The following GLIS3 variants were observed in gnomAD, a reference collection of about 807,000 sequenced individuals.
GLIS3 encodes the protein GLIS family zinc finger 3.
Under a neutral mutation model 78.6 loss-of-function variants are expected in GLIS3, and 53 were observed. That is an observed-to-expected ratio of 0.67 (90% confidence interval 0.54 to 0.85). The LOEUF is 0.85. Among genes scored for constraint, GLIS3 ranks in the 40% least tolerant of loss-of-function variants. The probability of loss-of-function intolerance (pLI) is 0.00; values close to 1 mark genes in which losing one functional copy is unlikely to be tolerated. For synonymous variants in GLIS3, 684 were observed against 509.9 expected (o/e 1.34, Z -4.60); for missense variants, 1,703 against 1,231.1 (o/e 1.38, Z -5.74).
At chr9:3,912,337 T>C (rs573060442) in intron 6 of GLIS3, among the ~76,000 whole-genome samples, 14 of 152,262 alleles carry the variant, frequency 9.2e-5, no homozygotes, top group African/African-American at 3.4e-4. Flanking sequence ...TTTTCCAGGA[T>C]GCATAGCGCC....
chr9:4,393,552 G>C, the GLIS3 span, among the ~76,000 whole-genome samples: 1 of 152,172 alleles, frequency 6.6e-6, no homozygotes, highest in Admixed American at 6.5e-5. Context: ...TAGTTGTCAT[G>C]TTTTGTTAGT....
At chr9:4,457,507 GT>G in the GLIS3 span, among the ~76,000 whole-genome samples, 2 of 151,984 alleles carry the variant, frequency 1.3e-5, no homozygotes, top group African/African-American at 4.8e-5. Context: ...TTTTGGGTGG[GT>G]TTGGACACAT....
At chr9:3,949,869 C>T (rs1265527884) in intron 4 of GLIS3, among the ~76,000 whole-genome samples, 4 of 152,186 alleles carry the variant, frequency 2.6e-5, no homozygotes, top group Non-Finnish European at 4.4e-5. Context: ...ATCCAATCTG[C>T]GTCATATCAG....
chr9:4,073,551 A>C (rs1051264559), intron 4 of GLIS3, among the ~76,000 whole-genome samples: 1 of 152,202 alleles, frequency 6.6e-6, no homozygotes, highest in African/African-American at 2.4e-5. Flanking sequence ...GCTAGCTAAG[A>C]AATACAACGC....
At chr9:3,872,757 C>T (rs7021479) in intron 8 of GLIS3, among the ~76,000 whole-genome samples, 127,423 of 152,170 alleles carry the variant, frequency 0.84, 53,485 homozygotes, top group East Asian at 0.97. Flanking sequence ...AGTCCCCACA[C>T]CTGTGGAATA....
chr9:4,138,917 A>G (rs1280957479), intron 2 of GLIS3, among the ~76,000 whole-genome samples: 1 of 152,224 alleles, frequency 6.6e-6, no homozygotes, highest in Non-Finnish European at 1.5e-5. Context: ...TAGACTTGCA[A>G]GCATGGGTAT....
the GLIS3 span, among the ~76,000 whole-genome samples, chr9:4,479,830 C>A: frequency 6.6e-6 from 1 of 151,766 alleles, no homozygotes; most frequent in Admixed American, 6.6e-5. Flanking sequence ...AGAGAGAAAA[C>A]AGGACCACCA....
At chr9:3,872,304 G>A (rs927289835) in intron 8 of GLIS3, among the ~76,000 whole-genome samples, 4 of 152,114 alleles carry the variant, frequency 2.6e-5, no homozygotes, top group African/African-American at 9.7e-5. Context: ...ACCCCTGTCT[G>A]TTACCCAGTC....
chr9:3,928,391 C>G (rs1825391023), intron 6 of GLIS3, among the ~76,000 whole-genome samples: 1 of 152,240 alleles, frequency 6.6e-6, no homozygotes, highest in African/African-American at 2.4e-5. Flanking sequence ...TAGACCATGA[C>G]TGAAAGCAAC....
the GLIS3 span, among the ~76,000 whole-genome samples, chr9:4,394,344 A>G: frequency 1.3e-5 from 2 of 151,822 alleles, no homozygotes; most frequent in African/African-American, 4.8e-5. Context: ...TTAAAAAATT[A>G]TTATTTAATC....
chr9:4,440,533 T>C, the GLIS3 span, among the ~76,000 whole-genome samples: 2 of 152,208 alleles, frequency 1.3e-5, no homozygotes, highest in East Asian at 1.9e-4. Context: ...TCTGTTCCAT[T>C]AGTTTGTCTG....
chr9:3,945,603 A>G (rs932702814), intron 4 of GLIS3, among the ~76,000 whole-genome samples: 6 of 152,230 alleles, frequency 3.9e-5, no homozygotes, highest in Admixed American at 3.3e-4. Flanking sequence ...TTTTCTATAT[A>G]TAAAAATGAG....
intron 4 of GLIS3, among the ~76,000 whole-genome samples, chr9:3,991,574 T>A (rs1323717986): frequency 6.6e-6 from 1 of 152,154 alleles, no homozygotes; most frequent in African/African-American, 2.4e-5. Flanking sequence ...TCGATGGAAC[T>A]ATTGATACTT....
At chr9:4,476,542 A>G in the GLIS3 span, among the ~76,000 whole-genome samples, 2 of 151,794 alleles carry the variant, frequency 1.3e-5, no homozygotes, top group South Asian at 4.2e-4. Flanking sequence ...TTGCATTTTT[A>G]GTAAGGATGG....
chr9:4,448,625 G>C, the GLIS3 span, among the ~76,000 whole-genome samples: 7 of 152,230 alleles, frequency 4.6e-5, no homozygotes, highest in Non-Finnish European at 8.8e-5. Flanking sequence ...TGAAGCAGGT[G>C]TGACCACATA....
chr9:4,229,401 G>C (rs1222587884), intron 2 of GLIS3, among the ~76,000 whole-genome samples: 1 of 152,190 alleles, frequency 6.6e-6, no homozygotes, highest in Non-Finnish European at 1.5e-5. Context: ...TCTAACTTTG[G>C]TTGGTTAGCA....
At chr9:4,321,378 C>T (rs1243220442) in intron 2 of GLIS3, among the ~76,000 whole-genome samples, 4 of 110,490 alleles carry the variant, frequency 3.6e-5, no homozygotes, top group Admixed American at 1.1e-4. Flanking sequence ...GCCGAGATGG[C>T]GCCACTGCAC....
intron 4 of GLIS3, among the ~76,000 whole-genome samples, chr9:3,969,939 A>C (rs1818259843): frequency 6.6e-6 from 1 of 152,222 alleles, no homozygotes. Context: ...TTCAGGGGCA[A>C]ATCTTGCAAC....
chr9:4,351,334 G>C (rs888234210), upstream of GLIS3, among the ~76,000 whole-genome samples: 1 of 149,696 alleles, frequency 6.7e-6, no homozygotes, highest in Non-Finnish European at 1.5e-5. Flanking sequence ...GAACCTGGGA[G>C]GTTGAAGCTT....
Sources: allele counts gnomAD v4.1 joint callset (sites outside exome capture counted in the v4.1 genomes callset), GRCh38; gene constraint gnomAD v4.1.1; transcripts MANE v1.5; gene names NCBI Gene and HGNC (gene_info 2026-07-23, HGNC 2026-07-21).